Variants in SUGCT observed in about 807,000 individuals in gnomAD.
SUGCT encodes the protein succinyl-CoA:glutarate-CoA transferase, also known as succinyl-CoA:glutarate CoA-transferase.
A neutral mutation model predicts 55.0 loss-of-function variants in SUGCT; 41 were observed. That is an observed-to-expected ratio of 0.74 (90% CI 0.58 to 0.97). The LOEUF (loss-of-function observed/expected upper bound fraction) is 0.97. Among genes scored for constraint, SUGCT ranks in the 50% least tolerant of loss-of-function variants. SUGCT has a pLI of 0.00. For synonymous variants in SUGCT, 187 were observed against 200.4 expected, an observed-to-expected ratio of 0.93 and a Z score of 0.56; for missense variants, 568 against 547.8, an observed-to-expected ratio of 1.04 and a Z score of -0.37.
chr7:40,902,988 T>C, the SUGCT span, among the ~76,000 whole-genome samples: 1 of 152,172 alleles, frequency 6.6e-6, no homozygotes, highest in South Asian at 2.1e-4. Flanking sequence ...AGTTCAGATC[T>C]CCTGACTCCA....
At chr7:40,217,658 G>A in intron 6 of SUGCT, 1 of 195,220 alleles carries the variant, frequency 5.1e-6, no homozygotes, top group Non-Finnish European at 1.1e-5. Context: ...CTGAATGGCT[G>A]TAGAAACAGA....
At chr7:40,409,352 T>A (rs1053479469) in intron 9 of SUGCT, among the ~76,000 whole-genome samples, 44 of 150,426 alleles carry the variant, frequency 2.9e-4, no homozygotes, top group African/African-American at 1.0e-3. Flanking sequence ...CAGCCTTGAC[T>A]TCCTGGGCTC....
chr7:40,968,014 A>G, the SUGCT span: 1 of 152,198 alleles, frequency 6.6e-6, no homozygotes, highest in African/African-American at 2.4e-5. Context: ...AACAGATGCT[A>G]TTTAATACAT....
intron 12 of SUGCT, among the ~76,000 whole-genome samples, chr7:40,657,123 A>G (rs1339929803): frequency 6.6e-6 from 1 of 152,204 alleles, no homozygotes; most frequent in African/African-American, 2.4e-5. Context: ...GAAAGGATAC[A>G]TTAGGGGTTA....
intron 12 of SUGCT, among the ~76,000 whole-genome samples, chr7:40,640,997 C>T (rs1055249020): frequency 4.6e-5 from 7 of 152,144 alleles, no homozygotes; most frequent in Non-Finnish European, 1.5e-5. Context: ...GACTTTTTTG[C>T]ATCAACAGAT....
intron 9 of SUGCT, among the ~76,000 whole-genome samples, chr7:40,393,287 A>T (rs907231765): frequency 6.6e-6 from 1 of 152,044 alleles, no homozygotes; most frequent in Non-Finnish European, 1.5e-5. Flanking sequence ...TCAGAGAAAC[A>T]GACACAATTT....
intron 11 of SUGCT, among the ~76,000 whole-genome samples, chr7:40,469,452 A>C (rs1790293331): frequency 2.0e-5 from 3 of 152,194 alleles, no homozygotes; most frequent in Admixed American, 2.0e-4. Context: ...TATGTGGTAC[A>C]TTTTCTGAAT....
At chr7:40,809,010 C>T (rs1357453840) in intron 13 of SUGCT, among the ~76,000 whole-genome samples, 2 of 152,148 alleles carry the variant, frequency 1.3e-5, no homozygotes, top group Admixed American at 1.3e-4. Flanking sequence ...TCGGTTTTCT[C>T]ATCTGGAAAC....
chr7:40,403,272 C>T (rs1786180292), intron 9 of SUGCT, among the ~76,000 whole-genome samples: 1 of 152,172 alleles, frequency 6.6e-6, no homozygotes, highest in South Asian at 2.1e-4. Flanking sequence ...AGCTTAGCAA[C>T]ATTACAATCT....
At chr7:40,631,231 T>C (rs79063549) in intron 12 of SUGCT, among the ~76,000 whole-genome samples, 2 of 152,176 alleles carry the variant, frequency 1.3e-5, no homozygotes, top group African/African-American at 2.4e-5. Flanking sequence ...TGTTTTTTTT[T>C]CAGCATTATT....
At chr7:41,020,650 T>C in the SUGCT span, among the ~76,000 whole-genome samples, 1 of 152,208 alleles carries the variant, frequency 6.6e-6, no homozygotes, top group African/African-American at 2.4e-5. Flanking sequence ...TAATTATATA[T>C]TGGTGCTCTC....
At chr7:40,526,918 T>A (rs1292713945) in intron 12 of SUGCT, among the ~76,000 whole-genome samples, 1 of 152,218 alleles carries the variant, frequency 6.6e-6, no homozygotes, top group Non-Finnish European at 1.5e-5. Context: ...ATTATGATGA[T>A]GTTCGGGTCT....
chr7:40,637,483 A>G (rs1800071776), intron 12 of SUGCT, among the ~76,000 whole-genome samples: 1 of 152,262 alleles, frequency 6.6e-6, no homozygotes, highest in Non-Finnish European at 1.5e-5. Flanking sequence ...CCTTGACCCC[A>G]GACACTAGGG....
the SUGCT span, among the ~76,000 whole-genome samples, chr7:41,008,817 A>G: frequency 6.6e-6 from 1 of 152,006 alleles, no homozygotes; most frequent in South Asian, 2.1e-4. Context: ...AGGACCTGGC[A>G]GGATGCAGTG....
At chr7:41,011,886 A>G in the SUGCT span, among the ~76,000 whole-genome samples, 9 of 151,466 alleles carry the variant, frequency 5.9e-5, no homozygotes, top group Non-Finnish European at 4.4e-5. Flanking sequence ...ACCCCGAATC[A>G]GCTTGTTTTT....
At chr7:40,630,059 T>A (rs1799717720) in intron 12 of SUGCT, among the ~76,000 whole-genome samples, 1 of 152,192 alleles carries the variant, frequency 6.6e-6, no homozygotes, top group South Asian at 2.1e-4. Context: ...GATTTTAAAT[T>A]TATACTAAGG....
intron 13 of SUGCT, among the ~76,000 whole-genome samples, chr7:40,752,732 A>G (rs1367578506): frequency 6.6e-6 from 1 of 150,476 alleles, no homozygotes; most frequent in Non-Finnish European, 1.5e-5. Flanking sequence ...TCAAAGTTAT[A>G]TGGTGAGGAG....
intron 12 of SUGCT, among the ~76,000 whole-genome samples, chr7:40,631,893 T>C (rs996323408): frequency 1.3e-5 from 2 of 152,232 alleles, no homozygotes; most frequent in Non-Finnish European, 2.9e-5. Context: ...CATTGCTACA[T>C]GGATTTGAAC....
At chr7:40,699,280 T>C (rs1165468735) in intron 12 of SUGCT, among the ~76,000 whole-genome samples, 1 of 152,070 alleles carries the variant, frequency 6.6e-6, no homozygotes, top group Non-Finnish European at 1.5e-5. Flanking sequence ...TATCAATAAC[T>C]GGGATGCAGC....
Sources: gnomAD v4.1 joint callset for allele counts (sites outside exome capture counted in the v4.1 genomes callset) on GRCh38, gnomAD v4.1.1 for gene constraint, MANE v1.5 for transcripts, NCBI Gene and HGNC (gene_info 2026-07-23, HGNC 2026-07-21) for gene names.